The following CCT5 variants were observed in gnomAD, a reference collection of about 807,000 sequenced individuals.
The protein encoded by CCT5 is chaperonin containing TCP1 subunit 5.
A neutral mutation model predicts 55.0 loss-of-function variants in CCT5; 6 were observed. The observed-to-expected ratio is 0.11, with a 90% CI of 0.06 to 0.22. CCT5 has a LOEUF of 0.22. Ranked by LOEUF, CCT5 falls within the 10% of genes least tolerant of loss-of-function variation. The pLI is 1.00. For missense variants in CCT5, 560 were observed against 694.6 expected (o/e 0.81, Z 2.18); for synonymous variants, 231 against 243.7 (o/e 0.95, Z 0.49).
In CCT5 at chr5:10,264,719, C is replaced by A; in HGVS notation, c.1562C>A (p.Thr521Lys). The A allele has an allele frequency of 6.2e-7, 1 of 1,613,748 alleles. No individual in the cohort carries two copies. The highest frequency in any genetic ancestry group is 8.5e-7 in the Non-Finnish European group (1 of 1,179,660). ...AAAAAGCAACAGATATCTCTTGCAA[C>A]ACAAATGGTTAGAATGATTTTGAAG... is the stretch of plus-strand genomic sequence containing the variant. ...IGKKQQISLA[T>K]QMVRMILKID... Residue 521 changes from threonine to lysine, a missense_variant, in exon 11 of 11, where the codon ACA becomes AAA. By Grantham distance (78) the Thr-to-Lys change is moderately conservative (BLOSUM62 -1). This residue lies in a region of CCT5 where 115 missense variants were observed against 105.0 expected (regional missense o/e 1.10). Transcript: ENST00000280326.
rs780975626 is a variant in CCT5, at chr5:10,263,194, A to G, written c.1378A>G (p.Met460Val). 5.0e-6 allele frequency: 8 copies of G among 1,614,066 alleles called. No individual in the cohort carries two copies. Among genetic ancestry groups the G allele is most frequent in the Non-Finnish European group, 6.8e-6 (8 of 1,180,016 alleles). ...TGCCGACGCACTGGAGGTCATCCCC[A>G]TGGCCCTCTCTGAAAACAGTGGCAT... The part of the protein sequence containing the change: ...AFADALEVIP[M>V]ALSENSGMNP... The change falls in exon 10 of 11, where the codon ATG becomes GTG. Residue 460 changes from methionine to valine, a missense_variant. This residue lies in a region of CCT5 where 115 missense variants were observed against 105.0 expected (regional missense o/e 1.10). Transcript: ENST00000280326.
intron 10 of CCT5, among the ~76,000 whole-genome samples, chr5:10,264,205 G>T (rs776162052): frequency 1.3e-5 from 2 of 152,012 alleles, no homozygotes; most frequent in Admixed American, 1.3e-4. Context: ...AACCCGGGAC[G>T]CAGAGGTTCC....
chr5:10,259,761 T>G (rs3105815), intron 6 of CCT5, among the ~76,000 whole-genome samples: 112,363 of 152,118 alleles, frequency 0.74, 43,700 homozygotes, highest in East Asian at 0.87. Flanking sequence ...GTGGGACAGT[T>G]TTCATGAGAA....
In CCT5 at chr5:10,251,488, A is replaced by G. The variant is rs535444109; in HGVS notation, c.105+1043A>G. On this transcript the variant is annotated intron_variant, in intron 1 of 10. Transcript: ENST00000280326. Reference sequence around the variant, plus strand: ...GTTTGTTATAAAGTGAATTCATAATAGACCATTCCACTAGGTCTCTCAGGT... The same window carrying G: ...GTTTGTTATAAAGTGAATTCATAATGGACCATTCCACTAGGTCTCTCAGGT... 2.6e-5 allele frequency among the ~76,000 whole-genome samples: 4 copies of G among 152,306 alleles called. No homozygotes were observed. The South Asian group carries it at 8.3e-4, about 32-fold the overall frequency.
At chr5:10,254,512 C>G in intron 2 of CCT5, 162 bp from the exon 3 acceptor site, 1 of 690,862 alleles carries the variant, frequency 1.4e-6, no homozygotes, top group South Asian at 1.6e-5. Flanking sequence ...ATTATGTTAG[C>G]CAATCTAAAA....
intron 8 of CCT5, 135 bp downstream of exon 8, chr5:10,261,880 G>GGTCTGGCTTTTTTGCCTGT: frequency 1.3e-6 from 1 of 784,872 alleles, no homozygotes; most frequent in Non-Finnish European, 2.3e-6. Context: ...GACGTATCAT[G>GGTCTGGCTTTTTTGCCTGT]GTGTAAAATT....
At chr5:10,257,919 CTTTAGGG>C in intron 4 of CCT5, 185 bp from the exon 5 acceptor site, 1 of 648,454 alleles carries the variant, frequency 1.5e-6, no homozygotes, top group South Asian at 1.8e-5. Flanking sequence ...ATACAGTCCC[CTTTAGGG>C]CCCATGGATC....
In CCT5 at chr5:10,262,592, C is replaced by T. The variant is rs1746020185; in HGVS notation, c.1291C>T (p.Leu431=). Reference sequence around the variant, plus strand: ...AGGGGCTGCTGAGATATCCTGTGCCCTGGCAGTTAGCCAAGAGGCGGATAA... The same window carrying T: ...AGGGGCTGCTGAGATATCCTGTGCCTTGGCAGTTAGCCAAGAGGCGGATAA... ...GGGAAEISCA[L]AVSQEADKCP... Residue 431 remains leucine (L), a synonymous_variant, in exon 9 of 11, where the codon CTG becomes TTG. Transcript: ENST00000280326. 2 of 1,614,220 alleles carry T rather than the reference C, an allele frequency of 1.2e-6. No individual in the cohort carries two copies. The highest frequency in any genetic ancestry group is 1.7e-6 in the Non-Finnish European group (2 of 1,180,024).
At chr5:10,255,633 A>G (rs1271428214) in intron 3 of CCT5, among the ~76,000 whole-genome samples, 1 of 152,090 alleles carries the variant, frequency 6.6e-6, no homozygotes, top group Non-Finnish European at 1.5e-5. Flanking sequence ...GCTGAATTTC[A>G]CTGAGTAGAC....
Position 10,265,014 on chromosome 5 carries a change from C to G in CCT5, c.*231C>G. On this transcript the variant is annotated 3_prime_UTR_variant, in exon 11 of 11. Coordinates refer to ENST00000280326, the MANE Select transcript of CCT5 (RefSeq NM_012073.5). ...GTATTAAAAGAATCTGTTTAAACAA[C>G]CTTTATCTTCTCTTCGGGTTTAAGA... is the stretch of plus-strand genomic sequence containing the variant. 2.0e-6 allele frequency: 1 copy of G among 490,924 alleles called. No homozygotes were observed. Among genetic ancestry groups the G allele is most frequent in the East Asian group, 3.7e-5 (1 of 27,004 alleles). 30.4% of individuals were successfully genotyped at this position (490,924 alleles called of 1,614,324 possible).
chr5:10,256,005 A>G lies in CCT5; in HGVS notation c.382A>G (p.Ile128Val), dbSNP rs773337607. The change falls in exon 4 of 11, where the codon ATT becomes GTT. Residue 128 changes from isoleucine to valine, a missense_variant. Ile to Val is a conservative substitution (Grantham distance 29). This residue lies in a region of CCT5 where 137 missense variants were observed against 181.9 expected (regional missense o/e 0.75). Transcript: ENST00000280326. The stretch of plus-strand genomic sequence containing the variant: ...AGCGGAGCAATTGCTAGACCGAGGC[A>G]TTCACCCAATCAGAATAGCCGATGG... ...EEAEQLLDRG[I>V]HPIRIADGYE... The G allele has an allele frequency of 6.8e-6, 11 of 1,614,234 alleles. No homozygotes were observed. The Admixed American group carries it at 1.5e-4, about 22-fold the overall frequency.
chr5:10,251,179 C>T (rs914071588), intron 1 of CCT5, among the ~76,000 whole-genome samples: 1 of 152,174 alleles, frequency 6.6e-6, no homozygotes, highest in Non-Finnish European at 1.5e-5. Flanking sequence ...TAATGGAGCA[C>T]TGACTTCTTT....
In CCT5 at chr5:10,261,840, TAAG is replaced by T. The variant is rs1331930012; in HGVS notation, c.1179+98_1179+100del. 4.2e-6 allele frequency: 4 copies of T among 945,670 alleles called. No homozygotes were observed. In the African/African-American group the frequency reaches 6.4e-5, roughly 15 times the overall value. 58.6% of individuals were successfully genotyped at this position (945,670 alleles called of 1,614,324 possible). Reference sequence around the variant, plus strand: ...GTATTTAACAGAGACACAGTCACCATAAGAAAAATAATCGTGGTTCTCAAACAA... The same window carrying T: ...GTATTTAACAGAGACACAGTCACCATAAAAATAATCGTGGTTCTCAAACAA... On this transcript the variant is annotated intron_variant, in intron 8 of 10. Transcript: ENST00000280326.
chr5:10,252,971 G>C (rs895807725), intron 1 of CCT5, among the ~76,000 whole-genome samples: 10 of 151,160 alleles, frequency 6.6e-5, no homozygotes, highest in African/African-American at 2.4e-4. Context: ...GTAGCTAAAT[G>C]TGAAAAAAAA....
chr5:10,250,655 C>G (rs750105084), intron 1 of CCT5: 9 of 1,413,974 alleles, frequency 6.4e-6, no homozygotes, highest in Non-Finnish European at 8.3e-6. Flanking sequence ...TGGGGGCCAG[C>G]CAGGCTGGGC....
At chr5:10,250,913 T>C (rs1453355622) in intron 1 of CCT5, 9 of 993,776 alleles carry the variant, frequency 9.1e-6, no homozygotes, top group Non-Finnish European at 9.6e-6. Flanking sequence ...CTTAACAGGG[T>C]ATTTCATTTC....
At chr5:10,262,769 T>G (rs937108518) in intron 9 of CCT5, 151 bp downstream of exon 9, 2 of 843,056 alleles carry the variant, frequency 2.4e-6, no homozygotes, top group Admixed American at 2.0e-5. Flanking sequence ...ATTCCCACGT[T>G]CCTGTATTCA....
rs1746019705 is a variant in CCT5, at chr5:10,262,589, G to A, written c.1288G>A (p.Ala430Thr). 1 of 1,614,138 alleles carries A rather than the reference G, an allele frequency of 6.2e-7. No homozygotes were observed. The highest frequency in any genetic ancestry group is 8.5e-7 in the Non-Finnish European group (1 of 1,180,050). ...YGGGAAEISC[A>T]LAVSQEADKC... ...AGGAGGGGCTGCTGAGATATCCTGT[G>A]CCCTGGCAGTTAGCCAAGAGGCGGA... Residue 430 changes from alanine (A) to threonine (T), a missense_variant, in exon 9 of 11, where the codon GCC becomes ACC. By Grantham distance (58) the Ala-to-Thr change is moderately conservative. This residue lies in a region of CCT5 where 256 missense variants were observed against 372.4 expected (regional missense o/e 0.69). Coordinates refer to ENST00000280326, the MANE Select transcript of CCT5 (RefSeq NM_012073.5).
chr5:10,264,863 T>C lies in CCT5; in HGVS notation c.*80T>C. On this transcript the variant is annotated 3_prime_UTR_variant, in exon 11 of 11. Transcript: ENST00000280326. ...GTCTCGTGATGCATCTACAGTTATT[T>C]ATTGTTACATCCTTTTCCAGACACT... The C allele has an allele frequency of 1.3e-6, 2 of 1,566,836 alleles. No individual in the cohort carries two copies. Among genetic ancestry groups the C allele is most frequent in the South Asian group, 1.1e-5 (1 of 88,920 alleles).
Sources: gnomAD v4.1 joint callset for allele counts (sites outside exome capture counted in the v4.1 genomes callset) on GRCh38, gnomAD v4.1.1 for gene constraint, gnomAD v4.1.1 regional missense constraint, MANE v1.5 for transcripts, NCBI Gene and HGNC (gene_info 2026-07-23, HGNC 2026-07-21) for gene names.